GSN: variants seen among roughly 807,000 people sequenced by gnomAD.
GSN encodes actin-depolymerizing factor.
A neutral mutation model predicts 85.7 loss-of-function variants in GSN; 56 were observed. The ratio of observed to expected loss-of-function variants is 0.65; its 90% CI spans 0.53 to 0.82. GSN has a LOEUF of 0.82. Ranked by LOEUF, GSN falls within the 40% of genes least tolerant of loss-of-function variation. The probability of loss-of-function intolerance (pLI) is 0.00; values close to 1 mark genes in which losing one functional copy is unlikely to be tolerated. For missense variants in GSN, 857 were observed against 979.8 expected (o/e 0.87, Z 1.67); for synonymous variants, 373 against 399.1 (o/e 0.93, Z 0.78).
At chr9:121,244,035 C>G (rs1032661278) in intron 5 of GSN, among the ~76,000 whole-genome samples, 1 of 152,216 alleles carries the variant, frequency 6.6e-6, no homozygotes, top group Non-Finnish European at 1.5e-5. Context: ...CTGGCAACCA[C>G]TGGTCTGTTC....
intron 4 of GSN, among the ~76,000 whole-genome samples, chr9:121,230,824 T>G (rs1374497087): frequency 6.6e-6 from 1 of 152,184 alleles, no homozygotes; most frequent in Non-Finnish European, 1.5e-5. Flanking sequence ...ATTCAGTGGG[T>G]TAATGTGATA....
chr9:121,259,467 G>A (rs2055034578), intron 6 of GSN, among the ~76,000 whole-genome samples: 2 of 152,244 alleles, frequency 1.3e-5, no homozygotes, highest in Non-Finnish European at 2.9e-5. Context: ...TTAAACAGGG[G>A]GAAAGTATTA....
At chr9:121,210,374 C>T (rs2053949764) in intron 3 of GSN, 1 of 152,226 alleles carries the variant, frequency 6.6e-6, no homozygotes, top group South Asian at 2.1e-4. Flanking sequence ...CAAAGTAGCA[C>T]ACATCACTTA....
At chr9:121,304,767 C>T (rs768203524) in intron 4 of GSN, among the ~76,000 whole-genome samples, 1 of 152,150 alleles carries the variant, frequency 6.6e-6, no homozygotes, top group East Asian at 1.9e-4. Flanking sequence ...ACTGGAGGCT[C>T]AGAGAGGTCA....
At chr9:121,330,801 A>G (rs2063802769) in intron 16 of GSN, among the ~76,000 whole-genome samples, 1 of 152,210 alleles carries the variant, frequency 6.6e-6, no homozygotes. Context: ...AGATGCACAC[A>G]GACCGGCACA....
intron 1 of GSN, 176 bp from the exon 2 acceptor site, chr9:121,281,294 A>G: frequency 3.5e-6 from 1 of 281,694 alleles, no homozygotes; most frequent in Non-Finnish European, 7.0e-6. Context: ...CAAACCCTCC[A>G]GCAGCAGGTC....
intron 5 of GSN, 139 bp from the exon 6 acceptor site, chr9:121,312,200 G>T: frequency 2.4e-6 from 2 of 837,184 alleles, no homozygotes; most frequent in Non-Finnish European, 4.1e-6. Flanking sequence ...ATGCACGTGT[G>T]CAGACTGTGC....
chr9:121,321,351 T>G lies in GSN; in HGVS notation c.1275T>G (p.Ile425Met), dbSNP rs2062420964. The G allele has an allele frequency of 1.2e-6, 2 of 1,613,910 alleles. No homozygotes were observed. The highest frequency in any genetic ancestry group is 1.7e-6 in the Non-Finnish European group (2 of 1,179,924). The part of the protein sequence containing the change: ...GQFYGGDSYI[I>M]LYNYRHGGRQ... ...TCTATGGAGGCGACAGCTACATCAT[T>G]CTGTACAACTACCGCCATGGTGGCC... The change falls in exon 11 of 18, where the codon ATT becomes ATG. Residue 425 changes from isoleucine (I) to methionine (M), a missense_variant. Transcript: ENST00000432226.
At position 121,327,364 on chromosome 9, in the gene GSN, C is replaced by G. The variant is rs1589227363; in HGVS notation, c.1644C>G (p.Pro548=). The change falls in exon 14 of 18, where the codon CCC becomes CCG. Residue 548 remains proline, a synonymous_variant. Coordinates refer to ENST00000432226, the MANE Select transcript of GSN (RefSeq NM_198252.3). ...ACGATGCCTTTGTTCTGAAAACCCC[C>G]TCAGCCGCCTACCTGTGGGTGGGTA... is the stretch of plus-strand genomic sequence containing the variant. ...NSNDAFVLKT[P]SAAYLWVGTG... The G allele has an allele frequency of 1.9e-6, 3 of 1,614,050 alleles. No homozygotes were observed. The highest frequency in any genetic ancestry group is 2.5e-6 in the Non-Finnish European group (3 of 1,179,954).
upstream of GSN, among the ~76,000 whole-genome samples, chr9:121,267,269 T>C (rs2055258144): frequency 6.6e-6 from 1 of 152,216 alleles, no homozygotes; most frequent in African/African-American, 2.4e-5. Context: ...GCATATGAGA[T>C]GTTGTTGAAA....
At position 121,223,286 on chromosome 9, in the gene GSN, G is replaced by A. The variant is rs571309774; in HGVS notation, c.-527-7879G>A. Among the ~76,000 whole-genome samples, 103 of 152,230 alleles carry A rather than the reference G, an allele frequency of 6.8e-4. 1 individual carries two copies. Among genetic ancestry groups the A allele is most frequent in the African/African-American group, 2.2e-3 (92 of 41,538 alleles). On this transcript the variant is annotated intron_variant, in intron 4 of 24. Transcript: ENST00000373823. ...AGAGATAGTATAATAACCACCTGAT[G>A]ATCACCTAACATTCCGAGTGAGAGG...
At chr9:121,301,364 C>T (rs764825736) in intron 2 of GSN, among the ~76,000 whole-genome samples, 24 of 152,176 alleles carry the variant, frequency 1.6e-4, no homozygotes, top group Non-Finnish European at 2.9e-4. Context: ...CGGTGGCTCA[C>T]GCCTGTAATC....
rs1589193580 is a variant in GSN at position 121,324,608 on chromosome 9, T to C, written c.1380T>C (p.Ala460=). Residue 460 remains alanine, a synonymous_variant, in exon 12 of 18, where the codon GCT becomes GCC. Transcript: ENST00000432226. Reference sequence around the variant, plus strand: ...TCGCTGCATCTGCCATCCTGACTGCTCAGCTGGATGAGGAGCTGGGAGGTA... The same window carrying C: ...TCGCTGCATCTGCCATCCTGACTGCCCAGCTGGATGAGGAGCTGGGAGGTA... ...DEVAASAILT[A]QLDEELGGTP... is the part of the protein sequence containing the mutation. 6.5e-7 allele frequency: 1 copy of C among 1,545,712 alleles called. No individual in the cohort carries two copies. Among genetic ancestry groups the C allele is most frequent in the Non-Finnish European group, 8.7e-7 (1 of 1,143,518 alleles).
At position 121,310,740 on chromosome 9, in the gene GSN, G is replaced by A; in HGVS notation, c.408G>A (p.Gln136=). ...KHVVPNEVVV[Q]RLFQVKGRRV... ...TGGTACCCAACGAGGTGGTGGTGCA[G>A]AGACTCTTCCAGGTCAAAGGGCGGC... The change falls in exon 5 of 18, where the codon CAG becomes CAA. Residue 136 remains glutamine (Q), a synonymous_variant. Transcript: ENST00000432226. 6.2e-7 allele frequency: 1 copy of A among 1,614,178 alleles called. No homozygotes were observed. Among genetic ancestry groups the A allele is most frequent in the Non-Finnish European group, 8.5e-7 (1 of 1,180,016 alleles).
At chr9:121,325,063 G>A (rs565780558) in intron 12 of GSN, among the ~76,000 whole-genome samples, 11 of 152,306 alleles carry the variant, frequency 7.2e-5, no homozygotes, top group African/African-American at 2.6e-4. Context: ...TCTGGGCAAC[G>A]TTGGGCAAGT....
At position 121,327,566 on chromosome 9, in the gene GSN, A is replaced by C. The variant is rs115921700; in HGVS notation, c.1762+84A>C. On this transcript the variant is annotated intron_variant, in intron 14 of 17. Coordinates refer to ENST00000432226, the MANE Select transcript of GSN (RefSeq NM_198252.3). ...TCTTTCCTTCAGCTTGGGGGCTCTA[A>C]ATCCTCCCCTCCATCCCACCTGAGG... 1.6e-3 allele frequency: 1,802 copies of C among 1,140,628 alleles called. 18 individuals carry two copies. In the African/African-American group the frequency reaches 0.025, roughly 16 times the overall value. 70.7% of individuals were successfully genotyped at this position (1,140,628 alleles called of 1,614,324 possible).
At chr9:121,239,524 G>A in intron 5 of GSN, 1 of 299,920 alleles carries the variant, frequency 3.3e-6, no homozygotes, top group Non-Finnish European at 6.6e-6. Context: ...GATTTGAGCT[G>A]CAATCTTTGT....
chr9:121,239,217 T>C (rs1221468781), intron 5 of GSN: 2 of 340,122 alleles, frequency 5.9e-6, no homozygotes, highest in Non-Finnish European at 1.2e-5. Context: ...CCTCTTGAAG[T>C]GCTTCAGTAG....
intron 7 of GSN, among the ~76,000 whole-genome samples, chr9:121,315,059 C>T (rs1051923260): frequency 1.4e-4 from 22 of 152,150 alleles, no homozygotes; most frequent in Non-Finnish European, 2.9e-4. Flanking sequence ...CGAGGTTTTG[C>T]CATGTTGCCC....
Sources: allele counts gnomAD v4.1 joint callset (sites outside exome capture counted in the v4.1 genomes callset), GRCh38; gene constraint gnomAD v4.1.1; transcripts MANE v1.5; gene names NCBI Gene and HGNC (gene_info 2026-07-23, HGNC 2026-07-21).